FOCAD: variants seen among roughly 807,000 people sequenced by gnomAD.
The protein encoded by FOCAD is focadhesin, also known as KIAA1797.
A neutral mutation model predicts 225.6 loss-of-function variants in FOCAD; 198 were observed. That is an observed-to-expected ratio of 0.88 (90% CI 0.78 to 0.99). The LOEUF (loss-of-function observed/expected upper bound fraction) is 0.99. Ranked by LOEUF, FOCAD falls within the 50% of genes least tolerant of loss-of-function variation. The pLI, the probability that FOCAD is intolerant of heterozygous loss-of-function variation, is 0.00. For synonymous variants in FOCAD, 897 were observed against 755.0 expected, an observed-to-expected ratio of 1.19 and a Z score of -3.08; for missense variants, 2,713 against 2,123.6, an observed-to-expected ratio of 1.28 and a Z score of -5.46.
chr9:20,677,559 T>C (rs1452722165), intron 2 of FOCAD, among the ~76,000 whole-genome samples: 1 of 152,086 alleles, frequency 6.6e-6, no homozygotes, highest in Non-Finnish European at 1.5e-5. Context: ...AAGGACCTGA[T>C]AGACATTTCT....
intron 28 of FOCAD, among the ~76,000 whole-genome samples, chr9:20,939,598 G>C (rs1042804538): frequency 6.6e-6 from 1 of 151,962 alleles, no homozygotes; most frequent in South Asian, 2.1e-4. Flanking sequence ...TAAAAATTTC[G>C]TATGTCCAAG....
chr9:20,680,695 G>T (rs1336698545), upstream of FOCAD, among the ~76,000 whole-genome samples: 8 of 152,188 alleles, frequency 5.3e-5, no homozygotes, highest in Non-Finnish European at 8.8e-5. Context: ...AGCTAGCCAT[G>T]GTGGCTTACA....
intron 6 of FOCAD, among the ~76,000 whole-genome samples, chr9:20,764,096 G>A (rs1389885453): frequency 6.6e-6 from 1 of 152,130 alleles, no homozygotes; most frequent in Non-Finnish European, 1.5e-5. Context: ...AGGGTTAACA[G>A]GTTAACAAGT....
intron 35 of FOCAD, 178 bp from the exon 36 acceptor site, chr9:20,976,242 A>G: frequency 2.1e-6 from 1 of 466,156 alleles, no homozygotes; most frequent in East Asian, 3.5e-5. Context: ...GAACAGAGGG[A>G]GCAAGCTTTT....
intron 2 of FOCAD, among the ~76,000 whole-genome samples, chr9:20,673,106 T>A (rs941493598): frequency 2.6e-5 from 4 of 152,126 alleles, no homozygotes; most frequent in Non-Finnish European, 4.4e-5. Flanking sequence ...GGGGATAAAT[T>A]GTATTTTGGG....
intron 5 of FOCAD, among the ~76,000 whole-genome samples, chr9:20,746,596 C>G (rs1268235786): frequency 6.6e-6 from 1 of 152,150 alleles, no homozygotes; most frequent in Non-Finnish European, 1.5e-5. Context: ...TTATCATTAT[C>G]TCTGTATAAT....
chr9:20,915,403 T>C lies in FOCAD; in HGVS notation c.2808-1490T>C, dbSNP rs79246722. ...ACGTAGAAAGAGAACCAAAAGAGAGTAAAATCTTAAAAGCCAAGGAAAGAA... is the reference window on the plus strand; with the variant it reads ...ACGTAGAAAGAGAACCAAAAGAGAGCAAAATCTTAAAAGCCAAGGAAAGAA... On this transcript the variant is annotated intron_variant, in intron 23 of 43. Transcript: ENST00000338382. Among the ~76,000 whole-genome samples the C allele has an allele frequency of 5.4e-3, 823 of 151,236 alleles. 2 individuals carry two copies. The highest frequency in any genetic ancestry group is 9.1e-3 in the Non-Finnish European group (620 of 67,774).
intron 4 of FOCAD, among the ~76,000 whole-genome samples, chr9:20,723,427 G>T (rs147005825): frequency 6.6e-6 from 1 of 152,230 alleles, no homozygotes. Context: ...GGCGGATCTT[G>T]CAGCGAGCTG....
intron 14 of FOCAD, 151 bp from the exon 15 acceptor site, chr9:20,822,838 G>A: frequency 1.8e-6 from 1 of 561,090 alleles, no homozygotes; most frequent in Non-Finnish European, 2.7e-6. Context: ...GCACATTTTT[G>A]AAGAAAAAAC....
chr9:20,792,507 A>T (rs1417787127), intron 11 of FOCAD, among the ~76,000 whole-genome samples: 1 of 152,276 alleles, frequency 6.6e-6, no homozygotes, highest in Non-Finnish European at 1.5e-5. Flanking sequence ...GTTTTGCAAA[A>T]CTCAGTGCCT....
At chr9:20,952,958 T>G in intron 34 of FOCAD, 27 bp from the exon 35 acceptor site, 1 of 1,586,814 alleles carries the variant, frequency 6.3e-7, no homozygotes, top group Non-Finnish European at 8.7e-7. Context: ...GTTCACTGGT[T>G]AATTTGATCA....
intron 15 of FOCAD, among the ~76,000 whole-genome samples, chr9:20,824,074 A>G (rs902208142): frequency 3.3e-5 from 5 of 152,100 alleles, no homozygotes; most frequent in African/African-American, 1.2e-4. Context: ...TTAAAAACTG[A>G]TGTGTGGTAA....
chr9:20,931,696 C>A (rs865887609), intron 27 of FOCAD, among the ~76,000 whole-genome samples: 1 of 152,026 alleles, frequency 6.6e-6, no homozygotes, highest in Non-Finnish European at 1.5e-5. Flanking sequence ...TCTGTAATTG[C>A]AGCATTTTGG....
Position 20,862,620 on chromosome 9 carries a change from C to T in FOCAD, c.1963C>T (p.Leu655=). Residue 655 remains leucine, a synonymous_variant, in exon 16 of 44, where the codon CTG becomes TTG. Transcript: ENST00000338382. The part of the protein sequence containing the change: ...RSTWNALSPK[L]SCDTRPLILK... ...CACTTGGAATGCTCTCTCTCCAAAG[C>T]TGAGTTGTGACACAAGACCTCTCAT... The T allele has an allele frequency of 6.2e-7, 1 of 1,613,560 alleles. No individual in the cohort carries two copies. Among genetic ancestry groups the T allele is most frequent in the East Asian group, 2.2e-5 (1 of 44,846 alleles).
At chr9:20,928,133 C>T (rs1587637781) in intron 26 of FOCAD, among the ~76,000 whole-genome samples, 2 of 152,072 alleles carry the variant, frequency 1.3e-5, no homozygotes, top group East Asian at 3.9e-4. Flanking sequence ...CAGGTATTCA[C>T]CAGAGCAGGA....
chr9:20,882,330 G>C (rs554434051), intron 20 of FOCAD, among the ~76,000 whole-genome samples: 1 of 152,214 alleles, frequency 6.6e-6, no homozygotes, highest in Non-Finnish European at 1.5e-5. Context: ...TGGCCTGTTG[G>C]AAGAAAGAGA....
At position 20,881,923 on chromosome 9, in the gene FOCAD, T is replaced by C. The variant is rs374587484; in HGVS notation, c.2370T>C (p.Pro790=). 4 of 1,613,762 alleles carry C rather than the reference T, an allele frequency of 2.5e-6. No homozygotes were observed. The highest frequency in any genetic ancestry group is 4.5e-5 in the East Asian group (2 of 44,886). Residue 790 remains proline (P), a synonymous_variant, in exon 20 of 44, where the codon CCT becomes CCC. Coordinates refer to ENST00000338382, the MANE Select transcript of FOCAD (RefSeq NM_001375567.1). ...TGAAGCAAGAAATGGTGAATATGCCTCGTGGGATATATCACTCTGCATTAA... is the reference window on the plus strand; with the variant it reads ...TGAAGCAAGAAATGGTGAATATGCCCCGTGGGATATATCACTCTGCATTAA... ...SLVKQEMVNM[P]RGIYHSALKG...
At chr9:20,941,017 C>G (rs185848922) in intron 28 of FOCAD, among the ~76,000 whole-genome samples, 1 of 151,956 alleles carries the variant, frequency 6.6e-6, no homozygotes, top group Non-Finnish European at 1.5e-5. Flanking sequence ...ACCTGAAAGC[C>G]TGACTCATGA....
At chr9:20,794,407 TA>T (rs758608629) in intron 11 of FOCAD, among the ~76,000 whole-genome samples, 1 of 152,160 alleles carries the variant, frequency 6.6e-6, no homozygotes, top group Non-Finnish European at 1.5e-5. Flanking sequence ...TATTTCATAA[TA>T]TAGAGCAAAA....
Sources: gnomAD v4.1 joint callset for allele counts (sites outside exome capture counted in the v4.1 genomes callset) on GRCh38, gnomAD v4.1.1 for gene constraint, MANE v1.5 for transcripts, NCBI Gene and HGNC (gene_info 2026-07-23, HGNC 2026-07-21) for gene names.